Variants in LRRFIP2 observed in about 807,000 individuals in gnomAD.
LRRFIP2 encodes the protein LRR binding FLII interacting protein 2, also known as leucine-rich repeat flightless-interacting protein 2.
LRRFIP2 carries 109 observed loss-of-function variants against 125.9 expected under a neutral mutation model. The observed-to-expected ratio is 0.87, with a 90% CI of 0.74 to 1.01. The LOEUF is 1.01. LRRFIP2 is among the 50% of genes least tolerant of loss of function. LRRFIP2 has a pLI of 0.00. For missense variants in LRRFIP2, 850 were observed against 862.3 expected, an observed-to-expected ratio of 0.99 and a Z score of 0.18; for synonymous variants, 291 against 293.1, an observed-to-expected ratio of 0.99 and a Z score of 0.07.
In LRRFIP2 at chr3:37,118,184, GC is replaced by G. The variant is rs375005605; in HGVS notation, c.331-3090del. The stretch of plus-strand genomic sequence containing the variant: ...AGCTCCCACCTCAGCCTCCCAACTG[GC>G]TGAGACCACAGGCATGCAGCACCAC... On this transcript the variant is annotated intron_variant, in intron 6 of 27. Coordinates refer to ENST00000336686, the MANE Select transcript of LRRFIP2 (RefSeq NM_006309.4). Among the ~76,000 whole-genome samples the G allele has an allele frequency of 7.7e-4, 117 of 152,142 alleles. 2 individuals carry two copies. The highest frequency in any genetic ancestry group is 2.5e-3 in the African/African-American group (105 of 41,478).
chr3:37,148,938 G>A lies in LRRFIP2; in HGVS notation c.46C>T (p.Arg16Ter), dbSNP rs771140012. 1 of 1,613,978 alleles carries A rather than the reference G, an allele frequency of 6.2e-7. No homozygotes were observed. The part of the protein sequence containing the change: ...SGRKRTPVKD[R>*]FSAEDEALSN... ...AAAGCTTCATCTTCTGCAGAAAATC[G>A]GTCTTTCACAGGTGTTCTTTTCCTT... The change falls in exon 2 of 28, where the codon CGA (arginine) becomes TGA (stop). Residue 16 changes from arginine to a stop codon, truncating the protein, a stop_gained. Coordinates refer to ENST00000336686, the MANE Select transcript of LRRFIP2 (RefSeq NM_006309.4). LOFTEE classifies it high-confidence loss of function.
At chr3:37,108,598 T>C in intron 12 of LRRFIP2, 39 bp downstream of exon 12, 1 of 1,543,810 alleles carries the variant, frequency 6.5e-7, no homozygotes, top group Non-Finnish European at 8.9e-7. Context: ...CCCACCCACA[T>C]TTCCCTCCTC....
Position 37,093,495 on chromosome 3 carries a change from A to G in LRRFIP2, c.1035+1297T>C, listed in dbSNP as rs554482455. Among the ~76,000 whole-genome samples the G allele has an allele frequency of 7.9e-5, 12 of 152,096 alleles. No homozygotes were observed. The South Asian group carries it at 2.3e-3, about 29-fold the overall frequency. ...TTCTTAAATTTCTCTCTCCCTACCAATTGCCCAACCAATTCCCAGTCTCTC... is the reference window on the plus strand; with the variant it reads ...TTCTTAAATTTCTCTCTCCCTACCAGTTGCCCAACCAATTCCCAGTCTCTC... On this transcript the variant is annotated intron_variant, in intron 17 of 27. Coordinates refer to ENST00000336686, the MANE Select transcript of LRRFIP2 (RefSeq NM_006309.4).
intron 13 of LRRFIP2, among the ~76,000 whole-genome samples, chr3:37,107,821 A>C (rs2094399729): frequency 6.6e-6 from 1 of 152,238 alleles, no homozygotes. Context: ...AATGAAAATT[A>C]AATATAAAAA....
chr3:37,140,485 T>C (rs71323616), intron 2 of LRRFIP2: 1 of 152,110 alleles, frequency 6.6e-6, no homozygotes, highest in Non-Finnish European at 1.5e-5. Flanking sequence ...ATGCCTGTAG[T>C]CCTAGCACTT....
chr3:37,135,672 C>CAA (rs1185153382), intron 2 of LRRFIP2, among the ~76,000 whole-genome samples: 3 of 151,754 alleles, frequency 2.0e-5, no homozygotes, highest in Admixed American at 2.0e-4. Context: ...TAAAAATGAC[C>CAA]AATAAGTACA....
chr3:37,100,413 C>A (rs28414192), intron 15 of LRRFIP2, among the ~76,000 whole-genome samples: 1 of 147,154 alleles, frequency 6.8e-6, no homozygotes, highest in African/African-American at 2.5e-5. Context: ...TGTATATATA[C>A]ATATACATAC....
Position 37,063,850 on chromosome 3 carries a change from T to C in LRRFIP2, c.1700-59A>G, listed in dbSNP as rs919496387. On this transcript the variant is annotated intron_variant, in intron 23 of 27. Transcript: ENST00000336686. ...TGTGATGATATAGTACATAAACAAT[T>C]AAAAATTTTTCAAACTCATAAACAG... 4.5e-6 allele frequency: 6 copies of C among 1,325,058 alleles called. No homozygotes were observed. In the African/African-American group the frequency reaches 8.8e-5, roughly 19 times the overall value. 82.1% of individuals were successfully genotyped at this position (1,325,058 alleles called of 1,614,324 possible).
chr3:37,123,252 G>A (rs969432353), intron 4 of LRRFIP2, among the ~76,000 whole-genome samples: 3 of 152,120 alleles, frequency 2.0e-5, no homozygotes, highest in African/African-American at 4.8e-5. Context: ...GCAGTGGCGC[G>A]ACCTCAGTTC....
At chr3:37,116,185 C>A (rs2094775725) in intron 6 of LRRFIP2, among the ~76,000 whole-genome samples, 1 of 152,130 alleles carries the variant, frequency 6.6e-6, no homozygotes, top group Non-Finnish European at 1.5e-5. Flanking sequence ...AGTACAATAG[C>A]TTGATCATAG....
At position 37,113,266 on chromosome 3, in the gene LRRFIP2, T is replaced by C. The variant is rs932850519; in HGVS notation, c.373-286A>G. Among the ~76,000 whole-genome samples the C allele has an allele frequency of 4.5e-4, 69 of 152,156 alleles. 1 individual carries two copies. Among genetic ancestry groups the C allele is most frequent in the Admixed American group, 4.5e-3 (68 of 15,266 alleles). On this transcript the variant is annotated intron_variant, in intron 7 of 27. Coordinates refer to ENST00000336686, the MANE Select transcript of LRRFIP2 (RefSeq NM_006309.4). ...TAGAACTAAGAACCAGGCAGAATAT[T>C]TGTGGAGACCTTCACACCACACTTG...
intron 2 of LRRFIP2, among the ~76,000 whole-genome samples, chr3:37,143,159 C>T (rs546639491): frequency 1.3e-5 from 2 of 152,300 alleles, no homozygotes; most frequent in African/African-American, 4.8e-5. Flanking sequence ...CTACAGCCTG[C>T]CAAACCATAA....
intron 1 of LRRFIP2, among the ~76,000 whole-genome samples, chr3:37,152,018 C>G (rs566617092): frequency 1.3e-5 from 2 of 152,120 alleles, no homozygotes; most frequent in Non-Finnish European, 1.5e-5. Flanking sequence ...TACACACACA[C>G]GTTTATAGCA....
chr3:37,074,898 G>T, intron 20 of LRRFIP2, 126 bp downstream of exon 20: 3 of 607,678 alleles, frequency 4.9e-6, no homozygotes, highest in South Asian at 2.2e-5. Context: ...AAAATTTGTA[G>T]TGTACAGTCA....
intron 2 of LRRFIP2, among the ~76,000 whole-genome samples, chr3:37,133,786 T>C (rs903286857): frequency 2.6e-5 from 4 of 152,218 alleles, no homozygotes; most frequent in African/African-American, 7.2e-5. Flanking sequence ...ATAGTTACCA[T>C]GATAAATTTC....
chr3:37,149,763 G>C (rs2095963329), intron 1 of LRRFIP2, among the ~76,000 whole-genome samples: 1 of 152,046 alleles, frequency 6.6e-6, no homozygotes, highest in Non-Finnish European at 1.5e-5. Context: ...CACTTGGGGA[G>C]GCTGAGGTGG....
intron 21 of LRRFIP2, chr3:37,067,858 TG>T (rs1175270136): frequency 2.6e-5 from 4 of 152,228 alleles, no homozygotes; most frequent in Admixed American, 1.3e-4. Flanking sequence ...TGAATCTGGT[TG>T]TTTTTGTTTC....
intron 17 of LRRFIP2, chr3:37,093,302 A>C (rs1238916074): frequency 6.5e-6 from 1 of 152,784 alleles, no homozygotes; most frequent in Non-Finnish European, 1.5e-5. Flanking sequence ...CCTCCAGTCC[A>C]GGCAAGCTCA....
chr3:37,152,537 G>A (rs184217263), intron 1 of LRRFIP2, among the ~76,000 whole-genome samples: 72 of 152,062 alleles, frequency 4.7e-4, no homozygotes, highest in African/African-American at 1.7e-3. Flanking sequence ...TTTGCCTCCC[G>A]GGTTCAAGTG....
Sources: allele counts gnomAD v4.1 joint callset (sites outside exome capture counted in the v4.1 genomes callset), GRCh38; gene constraint gnomAD v4.1.1; transcripts MANE v1.5; gene names NCBI Gene and HGNC (gene_info 2026-07-23, HGNC 2026-07-21).